The following FRYL variants were observed in gnomAD, a reference collection of about 807,000 sequenced individuals.
FRYL encodes the protein protein furry homolog-like.
Under a neutral mutation model 351.2 loss-of-function variants are expected in FRYL, and 150 were observed. That is an observed-to-expected ratio of 0.43 (90% CI 0.37 to 0.49). The LOEUF (loss-of-function observed/expected upper bound fraction) is 0.49. Ranked by LOEUF, FRYL falls within the 20% of genes least tolerant of loss-of-function variation. The pLI is 0.00. For synonymous variants in FRYL, 1,153 were observed against 1,257.1 expected (o/e 0.92, Z 1.75); for missense variants, 3,036 against 3,619.3 (o/e 0.84, Z 4.13).
intron 2 of FRYL, among the ~76,000 whole-genome samples, chr4:48,702,716 G>T (rs1166956744): frequency 2.9e-5 from 4 of 139,066 alleles, no homozygotes; most frequent in African/African-American, 1.1e-4. Context: ...AGAGGAGATC[G>T]GGCCACTGCA....
chr4:48,522,005 C>T (rs968545266), intron 54 of FRYL, among the ~76,000 whole-genome samples: 3 of 152,036 alleles, frequency 2.0e-5, no homozygotes, highest in South Asian at 2.1e-4. Context: ...TGGCTGGGTG[C>T]GGTGGCTCAT....
At chr4:48,757,943 C>T (rs1015527996) in intron 1 of FRYL, among the ~76,000 whole-genome samples, 4 of 152,148 alleles carry the variant, frequency 2.6e-5, no homozygotes, top group Non-Finnish European at 4.4e-5. Context: ...GCATCTACAA[C>T]CATCTGATCT....
At chr4:48,617,760 ATTGGGCAACT>A (rs1749837148) in intron 7 of FRYL, 1 of 152,164 alleles carries the variant, frequency 6.6e-6, no homozygotes, top group South Asian at 2.1e-4. Flanking sequence ...AGCCAGTGCA[ATTGGGCAACT>A]TTAGGATGAG....
At position 48,579,223 on chromosome 4, in the gene FRYL, G is replaced by A. The variant is rs775167714; in HGVS notation, c.2278C>T (p.Pro760Ser). 2 of 1,612,084 alleles carry A rather than the reference G, an allele frequency of 1.2e-6. No homozygotes were observed. Among genetic ancestry groups the A allele is most frequent in the Non-Finnish European group, 8.5e-7 (1 of 1,179,130 alleles). Residue 760 changes from proline (P) to serine (S), a missense_variant, in exon 23 of 64, where the codon CCT becomes TCT. Physicochemically the swap from Pro to Ser is moderately conservative, Grantham distance 74 (BLOSUM62 -1). Transcript: ENST00000358350. ...AAAGTTTGTAAATCTATCGAGCTAG[G>A]GCAATAGAGCAAAGTAGTCTATATG... ...GADQTTLLYCPSSIDLQTLAE... is the reference protein window; with the variant it reads ...GADQTTLLYCSSSIDLQTLAE...
chr4:48,567,362 C>A lies in FRYL; in HGVS notation c.3055G>T (p.Val1019Leu). Residue 1019 changes from valine to leucine, a missense_variant, in exon 28 of 64, where the codon GTA becomes TTA. Transcript: ENST00000358350. The surrounding 1 kb of genome is among the most constrained non-coding windows in gnomAD (Gnocchi z 4.2). The stretch of plus-strand genomic sequence containing the variant: ...TCCAGGAGTTGTCTAGTTAAATCTA[C>A]ATATTCCAATAAAGTGTTGTTGAGA... ...HFLNNTLLEY[V>L]DLTRQLLEAE... 1 of 1,611,532 alleles carries A rather than the reference C, an allele frequency of 6.2e-7. No homozygotes were observed. Among genetic ancestry groups the A allele is most frequent in the Non-Finnish European group, 8.5e-7 (1 of 1,178,718 alleles).
At chr4:48,716,363 C>T (rs1252610456) in intron 1 of FRYL, among the ~76,000 whole-genome samples, 8 of 151,316 alleles carry the variant, frequency 5.3e-5, no homozygotes, top group Admixed American at 2.0e-4. Flanking sequence ...AGAAAATTTT[C>T]GCAACCTACT....
chr4:48,499,978 A>AG (rs1719194298), intron 63 of FRYL, 52 bp downstream of exon 63: 5 of 1,259,600 alleles, frequency 4.0e-6, no homozygotes, highest in Non-Finnish European at 5.6e-6. Flanking sequence ...TAGTATTACT[A>AG]AACTTCCTGT....
rs1263985023 is a variant in FRYL at position 48,498,330 on chromosome 4, T to G, written c.*1092A>C. On this transcript the variant is annotated 3_prime_UTR_variant, in exon 64 of 64. Transcript: ENST00000358350. ...GACTTCAAAGCCTGCAAGTCATATA[T>G]TCCATCATCAATGACCACAATTTTT... 2.0e-5 allele frequency: 3 copies of G among 152,210 alleles called. No homozygotes were observed. The highest frequency in any genetic ancestry group is 7.2e-5 in the African/African-American group (3 of 41,466). The allele number at this position is 152,210 out of a possible 1,614,324, so 9.4% of individuals were successfully genotyped here.
In FRYL at chr4:48,550,414, A is replaced by G. The variant is rs2148986002; in HGVS notation, c.4633+178T>C. 5.4e-6 allele frequency: 3 copies of G among 551,940 alleles called. No individual in the cohort carries two copies. The East Asian group carries it at 8.5e-5, about 16-fold the overall frequency. 34.2% of individuals were successfully genotyped at this position (551,940 alleles called of 1,614,324 possible). ...AAACCAGTGCTTTAAAAAAAATTTCACCCAATTACGTTGCTTCTTAAAATC... is the reference window on the plus strand; with the variant it reads ...AAACCAGTGCTTTAAAAAAAATTTCGCCCAATTACGTTGCTTCTTAAAATC... On this transcript the variant is annotated intron_variant, in intron 38 of 63. Transcript: ENST00000358350.
At chr4:48,541,979 A>T in intron 45 of FRYL, 48 bp downstream of exon 45, 1 of 1,210,260 alleles carries the variant, frequency 8.3e-7, no homozygotes, top group Non-Finnish European at 1.2e-6. Context: ...ATATGTAGTT[A>T]GCTATTCAAG....
chr4:48,634,234 A>C, intron 4 of FRYL, 57 bp downstream of exon 4: 1 of 1,222,838 alleles, frequency 8.2e-7, no homozygotes, highest in Non-Finnish European at 1.2e-6. Context: ...TCTGCATTAT[A>C]GTGGTTAATA....
rs776621707 is a variant in FRYL at position 48,579,058 on chromosome 4, G to A, written c.2443C>T (p.Pro815Ser). 2 of 1,613,938 alleles carry A rather than the reference G, an allele frequency of 1.2e-6. No individual in the cohort carries two copies. The highest frequency in any genetic ancestry group is 1.1e-5 in the South Asian group (1 of 91,076). Residue 815 changes from proline (P) to serine (S), a missense_variant, in exon 23 of 64, where the codon CCT becomes TCT. Coordinates refer to ENST00000358350, the MANE Select transcript of FRYL (RefSeq NM_015030.2). Reference sequence around the variant, plus strand: ...CTCACAGCTGTAGAGCAGTGTTTAGGAAGATTTTCTTGCTTTAAAAAACTG... The same window carrying A: ...CTCACAGCTGTAGAGCAGTGTTTAGAAAGATTTTCTTGCTTTAAAAAACTG... Reference protein sequence around the residue: ...LSSFLKQENLPKHCSTAVSYA... With the variant: ...LSSFLKQENLSKHCSTAVSYA...
chr4:48,713,706 G>C (rs918683234), intron 1 of FRYL, among the ~76,000 whole-genome samples: 9 of 152,052 alleles, frequency 5.9e-5, no homozygotes, highest in Non-Finnish European at 1.2e-4. Flanking sequence ...ACATTAAACA[G>C]ATCAATGAGA....
intron 4 of FRYL, among the ~76,000 whole-genome samples, chr4:48,633,442 G>A (rs1200395464): frequency 6.6e-6 from 1 of 152,060 alleles, no homozygotes; most frequent in Non-Finnish European, 1.5e-5. Context: ...CATCTCTTGA[G>A]TTCTCAAAAA....
At chr4:48,728,217 C>T (rs191371703) in intron 1 of FRYL, among the ~76,000 whole-genome samples, 4 of 152,222 alleles carry the variant, frequency 2.6e-5, no homozygotes, top group African/African-American at 9.6e-5. Flanking sequence ...CTGAAAACAA[C>T]TCTGATTAAC....
intron 1 of FRYL, among the ~76,000 whole-genome samples, chr4:48,756,682 T>G (rs1773817533): frequency 6.6e-6 from 1 of 152,206 alleles, no homozygotes; most frequent in South Asian, 2.1e-4. Flanking sequence ...GAGAAGTAGC[T>G]CATGCCTGTA....
At chr4:48,703,656 C>T (rs572949911) in intron 2 of FRYL, among the ~76,000 whole-genome samples, 3 of 152,176 alleles carry the variant, frequency 2.0e-5, no homozygotes, top group Admixed American at 1.3e-4. Context: ...GTCATTTTCT[C>T]AAAGAGGCAA....
intron 27 of FRYL, among the ~76,000 whole-genome samples, chr4:48,568,178 T>C (rs1376553728): frequency 6.6e-6 from 1 of 152,112 alleles, no homozygotes. Context: ...AGTGGGAGGA[T>C]TGTTTGAGCC....
chr4:48,654,809 C>G (rs575746867), intron 3 of FRYL, among the ~76,000 whole-genome samples: 1 of 152,240 alleles, frequency 6.6e-6, no homozygotes, highest in East Asian at 1.9e-4. Flanking sequence ...CTGTTAAAGC[C>G]TAACTGCTCT....
Sources: allele counts gnomAD v4.1 joint callset (sites outside exome capture counted in the v4.1 genomes callset), GRCh38; gene constraint gnomAD v4.1.1; non-coding constraint Gnocchi (gnomAD v3.1); transcripts MANE v1.5; gene names NCBI Gene and HGNC (gene_info 2026-07-23, HGNC 2026-07-21).